PDCD7: variants seen among roughly 807,000 people sequenced by gnomAD.
The protein encoded by PDCD7 is programmed cell death protein 7.
A neutral mutation model predicts 42.1 loss-of-function variants in PDCD7; 40 were observed. The observed-to-expected ratio is 0.95, with a 90% CI of 0.74 to 1.24. The LOEUF (loss-of-function observed/expected upper bound fraction) is 1.24. Ranked by LOEUF, PDCD7 falls within the 50% of genes most tolerant of loss-of-function variation. The pLI, the probability that PDCD7 is intolerant of heterozygous loss-of-function variation, is 0.00. For missense variants in PDCD7, 644 were observed against 662.8 expected (o/e 0.97, Z 0.31); for synonymous variants, 299 against 303.3 (o/e 0.99, Z 0.15).
chr15:65,118,940 T>A, intron 4 of PDCD7, 100 bp from the exon 5 acceptor site: 1 of 752,474 alleles, frequency 1.3e-6, no homozygotes, highest in South Asian at 3.2e-5. Flanking sequence ...AAATGACTGA[T>A]ATACTAATCT....
At chr15:65,123,976 G>T (rs1420164225) in intron 2 of PDCD7, among the ~76,000 whole-genome samples, 1 of 152,148 alleles carries the variant, frequency 6.6e-6, no homozygotes, top group Admixed American at 6.5e-5. Flanking sequence ...ACTAAAATCT[G>T]TCTATGGCGA....
intron 2 of PDCD7, among the ~76,000 whole-genome samples, chr15:65,121,544 C>T (rs2140579119): frequency 6.6e-6 from 1 of 152,286 alleles, no homozygotes; most frequent in Non-Finnish European, 1.5e-5. Context: ...GAGGAAGATA[C>T]ACTTAAAACA....
Position 65,133,178 on chromosome 15 carries a change from C to A in PDCD7, c.604G>T (p.Gly202Cys). The change falls in exon 1 of 5, where the codon GGC (glycine) becomes TGC (cysteine). Residue 202 changes from glycine to cysteine, a missense_variant. Coordinates refer to ENST00000204549, the MANE Select transcript of PDCD7 (RefSeq NM_005707.2). ...SQALREAEAD[G>C]AAWVLLYSQT... Reference sequence around the variant, plus strand: ...GAGTACAGCAGGACCCAGGCCGCGCCGTCGGCTTCGGCCTCGCGCAGGGCC... The same window carrying A: ...GAGTACAGCAGGACCCAGGCCGCGCAGTCGGCTTCGGCCTCGCGCAGGGCC... The A allele has an allele frequency of 6.9e-7, 1 of 1,452,690 alleles. No individual in the cohort carries two copies. The allele number at this position is 1,452,690 out of a possible 1,614,324, so 90.0% of individuals were successfully genotyped here.
At chr15:65,131,624 C>A (rs2087540604) in intron 1 of PDCD7, among the ~76,000 whole-genome samples, 1 of 152,076 alleles carries the variant, frequency 6.6e-6, no homozygotes, top group South Asian at 2.1e-4. Context: ...TGGTGCATGC[C>A]TGTAATCCCT....
intron 1 of PDCD7, among the ~76,000 whole-genome samples, chr15:65,131,284 C>T (rs1595929393): frequency 1.3e-5 from 2 of 152,332 alleles, no homozygotes; most frequent in East Asian, 3.9e-4. Flanking sequence ...GTCACTGTCT[C>T]CTATCACCCC....
chr15:65,120,585 G>C (rs1047030021), intron 2 of PDCD7, among the ~76,000 whole-genome samples: 1 of 152,144 alleles, frequency 6.6e-6, no homozygotes, highest in African/African-American at 2.4e-5. Context: ...GCAGGTACCT[G>C]TAGTCCCAGC....
intron 2 of PDCD7, among the ~76,000 whole-genome samples, chr15:65,122,528 G>A (rs1029328965): frequency 1.3e-5 from 2 of 151,900 alleles, no homozygotes; most frequent in Admixed American, 6.6e-5. Context: ...GATTCTGTAC[G>A]TTCTTCTCCA....
intron 2 of PDCD7, among the ~76,000 whole-genome samples, chr15:65,120,501 G>A (rs1253070030): frequency 1.3e-5 from 2 of 152,102 alleles, no homozygotes; most frequent in African/African-American, 2.4e-5. Flanking sequence ...GAGGTCAGGA[G>A]ATTGAGAACA....
intron 2 of PDCD7, among the ~76,000 whole-genome samples, chr15:65,120,579 G>C (rs2087445701): frequency 6.6e-6 from 1 of 152,116 alleles, no homozygotes; most frequent in South Asian, 2.1e-4. Context: ...ATGGTGGCAG[G>C]TACCTGTAGT....
chr15:65,126,395 G>A (rs2043277464), intron 2 of PDCD7, among the ~76,000 whole-genome samples: 1 of 152,084 alleles, frequency 6.6e-6, no homozygotes, highest in Middle Eastern at 3.4e-3. Context: ...CCTCAAACTC[G>A]ACAGGTCCCC....
chr15:65,119,657 G>A (rs748052400), intron 3 of PDCD7, 61 bp downstream of exon 3: 35 of 1,530,962 alleles, frequency 2.3e-5, no homozygotes, highest in East Asian at 4.5e-5. Flanking sequence ...GAGATCACCC[G>A]TGATGAGAAG....
At position 65,118,778 on chromosome 15, in the gene PDCD7, C is replaced by T. The variant is rs995170646; in HGVS notation, c.1397G>A (p.Gly466Glu). 1.2e-6 allele frequency: 2 copies of T among 1,610,848 alleles called. No homozygotes were observed. Among genetic ancestry groups the T allele is most frequent in the Non-Finnish European group, 1.7e-6 (2 of 1,178,730 alleles). Reference sequence around the variant, plus strand: ...GCTGGGGAGCGGGGGAAGGACCCATCCTTGGGGAACGAAGTTGCCTTTGGG... The same window carrying T: ...GCTGGGGAGCGGGGGAAGGACCCATTCTTGGGGAACGAAGTTGCCTTTGGG... ...DHPKGNFVPQ[G>E]WVLPPLPSND... Residue 466 changes from glycine (G) to glutamate (E), a missense_variant, in exon 5 of 5, where the codon GGA (glycine) becomes GAA (glutamate). Gly to Glu is a moderately conservative substitution (Grantham distance 98, BLOSUM62 -2). Coordinates refer to ENST00000204549, the MANE Select transcript of PDCD7 (RefSeq NM_005707.2).
intron 2 of PDCD7, among the ~76,000 whole-genome samples, chr15:65,125,400 C>T (rs2087487651): frequency 6.6e-6 from 1 of 152,164 alleles, no homozygotes; most frequent in Non-Finnish European, 1.5e-5. Context: ...TTGCCAGATA[C>T]TGATGTTGCT....
chr15:65,121,053 C>CTTTTT (rs767625477), intron 2 of PDCD7, among the ~76,000 whole-genome samples: 28 of 130,114 alleles, frequency 2.2e-4, no homozygotes, highest in African/African-American at 2.6e-4. Context: ...GACTTTCTTT[C>CTTTTT]TTTTTTTTTT....
intron 4 of PDCD7, 160 bp from the exon 5 acceptor site, chr15:65,119,000 A>G (rs1208636950): frequency 9.8e-6 from 5 of 508,012 alleles, no homozygotes; most frequent in African/African-American, 8.0e-5. Context: ...TATTTCTTAA[A>G]TGTACATATA....
chr15:65,119,645 T>C, intron 3 of PDCD7, 73 bp downstream of exon 3: 5 of 1,501,354 alleles, frequency 3.3e-6, no homozygotes, highest in Non-Finnish European at 4.6e-6. Context: ...ACCTCTTAGC[T>C]TGAGATCACC....
chr15:65,127,479 A>C (rs1217490380), intron 2 of PDCD7, among the ~76,000 whole-genome samples: 1 of 151,994 alleles, frequency 6.6e-6, no homozygotes, highest in East Asian at 1.9e-4. Context: ...AAAAAAAAAA[A>C]AAAAACTTTC....
rs376025465 is a variant in PDCD7 at position 65,118,788 on chromosome 15, C to T, written c.1387G>A (p.Val463Ile). The change falls in exon 5 of 5, where the codon GTT becomes ATT. Residue 463 changes from valine (V) to isoleucine (I), a missense_variant. Val to Ile is a conservative substitution (Grantham distance 29). Transcript: ENST00000204549. ...GGGGGAAGGACCCATCCTTGGGGAA[C>T]GAAGTTGCCTTTGGGATGATCGGAT... Reference protein sequence around the residue: ...VPSDHPKGNFVPQGWVLPPLP... With the variant: ...VPSDHPKGNFIPQGWVLPPLP... The T allele has an allele frequency of 9.9e-6, 16 of 1,610,578 alleles. No individual in the cohort carries two copies. The highest frequency in any genetic ancestry group is 4.4e-5 in the South Asian group (4 of 90,072).
At chr15:65,127,767 G>A (rs947227781) in intron 2 of PDCD7, among the ~76,000 whole-genome samples, 7 of 152,320 alleles carry the variant, frequency 4.6e-5, no homozygotes, top group African/African-American at 1.7e-4. Context: ...TTGGACCAAA[G>A]TGAGGAAGAT....
Sources: allele counts gnomAD v4.1 joint callset (sites outside exome capture counted in the v4.1 genomes callset), GRCh38; gene constraint gnomAD v4.1.1; transcripts MANE v1.5; gene names NCBI Gene and HGNC (gene_info 2026-07-23, HGNC 2026-07-21).